LYRM7: variants seen among roughly 807,000 people sequenced by gnomAD.
LYRM7 encodes the protein LYR motif containing 7.
A neutral mutation model predicts 15.8 loss-of-function variants in LYRM7; 9 were observed. The observed-to-expected ratio is 0.57, with a 90% CI of 0.34 to 0.99. The LOEUF (loss-of-function observed/expected upper bound fraction) is 0.99. LYRM7 is among the 50% of genes least tolerant of loss of function. The pLI, the probability that LYRM7 is intolerant of heterozygous loss-of-function variation, is 0.02. For synonymous variants in LYRM7, 39 were observed against 39.4 expected (o/e 0.99, Z 0.04); for missense variants, 115 against 119.1 (o/e 0.97, Z 0.16).
At chr5:131,186,092 T>C (rs900715253) in intron 3 of LYRM7, among the ~76,000 whole-genome samples, 2 of 152,216 alleles carry the variant, frequency 1.3e-5, no homozygotes, top group Non-Finnish European at 2.9e-5. Context: ...CAGAAGGCTG[T>C]AGTGTTTTGA....
intron 1 of LYRM7, 150 bp from the exon 2 acceptor site, chr5:131,179,943 AAT>A: frequency 3.8e-6 from 2 of 520,362 alleles, no homozygotes; most frequent in Non-Finnish European, 6.8e-6. Flanking sequence ...GTCAAAAAAA[AAT>A]TTTTTTTTTG....
chr5:131,187,337 A>G (rs1192584959), intron 4 of LYRM7, among the ~76,000 whole-genome samples: 1 of 152,102 alleles, frequency 6.6e-6, no homozygotes, highest in Non-Finnish European at 1.5e-5. Context: ...TTATATTTCA[A>G]CACTAATTAT....
intron 4 of LYRM7, among the ~76,000 whole-genome samples, chr5:131,197,541 CTTTTTTTTTTTT>C (rs60003952): frequency 1.1e-5 from 1 of 90,748 alleles, no homozygotes; most frequent in Admixed American, 1.5e-4. Flanking sequence ...TGTCTTCTGT[CTTTTTTTTTTTT>C]TTTTTTTTTT....
At chr5:131,196,205 G>A (rs945605483) in intron 4 of LYRM7, among the ~76,000 whole-genome samples, 1 of 150,038 alleles carries the variant, frequency 6.7e-6, no homozygotes, top group African/African-American at 2.5e-5. Flanking sequence ...CCGGGTTCAA[G>A]CGATTCTCAT....
intron 4 of LYRM7, among the ~76,000 whole-genome samples, chr5:131,198,054 G>A (rs1399002211): frequency 1.3e-5 from 2 of 151,632 alleles, no homozygotes; most frequent in Non-Finnish European, 2.9e-5. Flanking sequence ...TGAACTTTCT[G>A]AGAGTAAGTT....
At chr5:131,180,252 C>G (rs1755670211) in intron 2 of LYRM7, 85 bp downstream of exon 2, 2 of 865,422 alleles carry the variant, frequency 2.3e-6, no homozygotes, top group African/African-American at 3.4e-5. Context: ...TGGTCAAGAC[C>G]CATTTTAGGG....
At chr5:131,182,120 A>C in intron 2 of LYRM7, 109 bp from the exon 3 acceptor site, 3 of 983,412 alleles carry the variant, frequency 3.1e-6, no homozygotes, top group South Asian at 3.5e-5. Context: ...TCATGAGGGC[A>C]ATTTCTATAG....
In LYRM7 at chr5:131,181,361, T is replaced by TA. The variant is rs1561544316; in HGVS notation, c.92-866dup. Among the ~76,000 whole-genome samples the TA allele has an allele frequency of 3.7e-4, 11 of 29,538 alleles. 2 individuals carry two copies. Among genetic ancestry groups the TA allele is most frequent in the African/African-American group, 3.3e-3 (11 of 3,352 alleles). 19.4% of individuals were successfully genotyped at this position (29,538 alleles called of 152,430 possible). A position where few individuals can be genotyped will look rare whatever the true frequency, so the allele number is the denominator to read the frequency against. On this transcript the variant is annotated intron_variant, in intron 2 of 4. Coordinates refer to ENST00000379380, the MANE Select transcript of LYRM7 (RefSeq NM_181705.4). ...TATAACATATATGTTATATATATATTAACATATATATGTATATATAATATA... is the reference window on the plus strand; with the variant it reads ...TATAACATATATGTTATATATATATTAAACATATATATGTATATATAATATA...
chr5:131,196,439 G>A (rs989257630), intron 4 of LYRM7, among the ~76,000 whole-genome samples: 2 of 152,118 alleles, frequency 1.3e-5, no homozygotes, highest in African/African-American at 4.8e-5. Context: ...TCTATTCGGT[G>A]TTACTTCCAA....
At chr5:131,184,697 G>T (rs77999554) in intron 3 of LYRM7, among the ~76,000 whole-genome samples, 2 of 150,734 alleles carry the variant, frequency 1.3e-5, no homozygotes, top group Admixed American at 1.3e-4. Flanking sequence ...CTCTGGACCC[G>T]CCTAATCCCT....
chr5:131,171,844 C>T (rs1306947533), intron 1 of LYRM7: 1 of 152,184 alleles, frequency 6.6e-6, no homozygotes, highest in Non-Finnish European at 1.5e-5. Flanking sequence ...TACTTTTGTA[C>T]ATAATGTCAC....
In LYRM7 at chr5:131,204,058, T is replaced by C. The variant is rs1756125375; in HGVS notation, c.*4457T>C. 2 of 151,922 alleles carry C rather than the reference T, an allele frequency of 1.3e-5. No homozygotes were observed. The highest frequency in any genetic ancestry group is 2.1e-4 in the South Asian group (1 of 4,832). The allele number at this position is 151,922 out of a possible 1,614,324, so 9.4% of individuals were successfully genotyped here. A position where few individuals can be genotyped will look rare whatever the true frequency, so the allele number is the denominator to read the frequency against. ...CTATAAGGAAATAGCCACTGTCATATCATTTTTAAAGGAATATAAATTATA... is the reference window on the plus strand; with the variant it reads ...CTATAAGGAAATAGCCACTGTCATACCATTTTTAAAGGAATATAAATTATA... On this transcript the variant is annotated 3_prime_UTR_variant, in exon 5 of 5. Transcript: ENST00000379380.
At chr5:131,173,272 C>T (rs1703817824) in intron 1 of LYRM7, among the ~76,000 whole-genome samples, 2 of 152,202 alleles carry the variant, frequency 1.3e-5, no homozygotes, top group African/African-American at 2.4e-5. Context: ...AAAGCCACTT[C>T]CACATTTTTA....
At position 131,199,695 on chromosome 5, in the gene LYRM7, G is replaced by C; in HGVS notation, c.*94G>C. The stretch of plus-strand genomic sequence containing the variant: ...GAAATGCAGACATTTTCCCTGAACT[G>C]GCATATTGAAAATGAATGAATTACA... On this transcript the variant is annotated 3_prime_UTR_variant, in exon 5 of 5. Transcript: ENST00000379380. 1 of 756,214 alleles carries C rather than the reference G, an allele frequency of 1.3e-6. No homozygotes were observed. The highest frequency in any genetic ancestry group is 2.1e-6 in the Non-Finnish European group (1 of 478,974). 46.8% of individuals were successfully genotyped at this position (756,214 alleles called of 1,614,324 possible).
chr5:131,171,658 C>A (rs568245040), intron 1 of LYRM7: 1 of 152,182 alleles, frequency 6.6e-6, no homozygotes, highest in Non-Finnish European at 1.5e-5. Flanking sequence ...TCCTGCCCGG[C>A]GCACAATTCT....
chr5:131,175,504 G>A (rs899546690), intron 1 of LYRM7, among the ~76,000 whole-genome samples: 21 of 151,714 alleles, frequency 1.4e-4, no homozygotes, highest in African/African-American at 4.8e-4. Context: ...AACCACGCTC[G>A]GCCTTTTTTG....
At chr5:131,194,907 G>T (rs931626495) in intron 4 of LYRM7, among the ~76,000 whole-genome samples, 2 of 152,136 alleles carry the variant, frequency 1.3e-5, no homozygotes, top group African/African-American at 4.8e-5. Flanking sequence ...CTGCTTCTGT[G>T]ACTAGTAACA....
At chr5:131,191,390 C>T (rs1402350350) in intron 4 of LYRM7, among the ~76,000 whole-genome samples, 1 of 151,904 alleles carries the variant, frequency 6.6e-6, no homozygotes, top group Non-Finnish European at 1.5e-5. Flanking sequence ...TATAATGTCT[C>T]AAAATGAAAA....
intron 2 of LYRM7, among the ~76,000 whole-genome samples, chr5:131,181,272 T>A (rs531164359): frequency 4.2e-5 from 1 of 24,068 alleles, no homozygotes; most frequent in Non-Finnish European, 7.5e-5. Context: ...CAAGACTCCA[T>A]CTGAAAAAAA....
Sources: allele counts gnomAD v4.1 joint callset (sites outside exome capture counted in the v4.1 genomes callset), GRCh38; gene constraint gnomAD v4.1.1; transcripts MANE v1.5; gene names NCBI Gene and HGNC (gene_info 2026-07-23, HGNC 2026-07-21).